KCNB2: variants seen among roughly 807,000 people sequenced by gnomAD.
KCNB2 encodes the protein potassium voltage-gated channel subfamily B member 2, also known as delayed rectifier potassium channel protein.
KCNB2 carries 15 observed loss-of-function variants against 61.5 expected under a neutral mutation model. That is an observed-to-expected ratio of 0.24 (90% CI 0.16 to 0.38). The LOEUF (loss-of-function observed/expected upper bound fraction) is 0.38, where lower values mean the gene tolerates loss of function less well. Among genes scored for constraint, KCNB2 ranks in the 10% least tolerant of loss-of-function variants. The pLI, the probability that KCNB2 is intolerant of heterozygous loss-of-function variation, is 1.00. For synonymous variants in KCNB2, 457 were observed against 446.0 expected (o/e 1.02, Z -0.31); for missense variants, 828 against 1,125.2 (o/e 0.74, Z 3.78).
chr8:72,647,460 A>G (rs957030127), intron 2 of KCNB2, among the ~76,000 whole-genome samples: 3 of 152,184 alleles, frequency 2.0e-5, no homozygotes, highest in African/African-American at 7.2e-5. Context: ...TTGCACATAC[A>G]TTAATTGAAA....
At position 72,627,638 on chromosome 8, in the gene KCNB2, C is replaced by T. The variant is rs143660353; in HGVS notation, c.579+59325C>T. Among the ~76,000 whole-genome samples the T allele has an allele frequency of 3.2e-4, 49 of 152,270 alleles. 1 individual carries two copies. The East Asian group carries it at 9.5e-3, about 30-fold the overall frequency. ...ATGAACAGAGCTGTGTAGGAATGTG[C>T]AAATTGCACACAGGCTCACACCTCA... On this transcript the variant is annotated intron_variant, in intron 2 of 2. Coordinates refer to ENST00000523207, the MANE Select transcript of KCNB2 (RefSeq NM_004770.3).
At chr8:72,782,188 G>T (rs1247587310) in intron 2 of KCNB2, among the ~76,000 whole-genome samples, 1 of 152,134 alleles carries the variant, frequency 6.6e-6, no homozygotes, top group Non-Finnish European at 1.5e-5. Flanking sequence ...GAGATGTCAT[G>T]AAGTTTTTAT....
chr8:72,839,924 T>TA (rs200350659), intron 2 of KCNB2, among the ~76,000 whole-genome samples: 362 of 151,842 alleles, frequency 2.4e-3, no homozygotes, highest in Middle Eastern at 0.017. Context: ...TTTTTTTTTT[T>TA]TAATACTTTA....
At chr8:72,664,642 C>A (rs138125217) in intron 2 of KCNB2, among the ~76,000 whole-genome samples, 16 of 152,246 alleles carry the variant, frequency 1.1e-4, no homozygotes, top group African/African-American at 3.9e-4. Flanking sequence ...ACACACATAA[C>A]AAATCTTTAT....
At chr8:72,619,319 A>G (rs754665438) in intron 2 of KCNB2, 7 of 612,388 alleles carry the variant, frequency 1.1e-5, no homozygotes, top group Admixed American at 5.6e-5. Context: ...AAAAGTTCAC[A>G]CTCTCCATGA....
At chr8:72,593,327 G>A (rs540464702) in intron 2 of KCNB2, among the ~76,000 whole-genome samples, 7 of 152,214 alleles carry the variant, frequency 4.6e-5, no homozygotes, top group African/African-American at 1.7e-4. Context: ...AGTCCTTAAG[G>A]TACACTGAAT....
intron 2 of KCNB2, among the ~76,000 whole-genome samples, chr8:72,778,783 A>G (rs935485909): frequency 5.0e-5 from 7 of 140,766 alleles, no homozygotes; most frequent in African/African-American, 1.7e-4. Flanking sequence ...AAAGAAAAAG[A>G]AAAGAAAAGA....
chr8:72,914,009 C>T (rs761677276), intron 2 of KCNB2, among the ~76,000 whole-genome samples: 5 of 152,184 alleles, frequency 3.3e-5, no homozygotes, highest in Non-Finnish European at 7.3e-5. Context: ...ATACCATATA[C>T]TGAGTAACTT....
rs1309489932 is a variant in KCNB2 at position 72,567,817 on chromosome 8, T to C, written c.83T>C (p.Ile28Thr). The C allele has an allele frequency of 1.2e-6, 2 of 1,613,710 alleles. No homozygotes were observed. Among genetic ancestry groups the C allele is most frequent in the Admixed American group, 3.3e-5 (2 of 59,942 alleles). ...CTTCCTCCAGAGCCTGTGGACATTA[T>C]CCGGAGCAAAACATGCTCCAGGAGA... ...LSLPPEPVDI[I>T]RSKTCSRRVK... The change falls in exon 2 of 3, where the codon ATC becomes ACC. Residue 28 changes from isoleucine to threonine, a missense_variant. Around this residue, in one of 4 missense-constraint regions of KCNB2, gnomAD observed 62 missense variants for 54.8 expected, o/e 1.13. Coordinates refer to ENST00000523207, the MANE Select transcript of KCNB2 (RefSeq NM_004770.3).
intron 2 of KCNB2, among the ~76,000 whole-genome samples, chr8:72,834,416 C>G (rs1160883973): frequency 2.0e-5 from 3 of 152,190 alleles, no homozygotes; most frequent in Non-Finnish European, 4.4e-5. Flanking sequence ...GAACTTGGGT[C>G]AGTTCTGGAG....
At chr8:72,574,885 G>T (rs961451486) in intron 2 of KCNB2, among the ~76,000 whole-genome samples, 2 of 119,518 alleles carry the variant, frequency 1.7e-5, no homozygotes, top group African/African-American at 5.8e-5. Flanking sequence ...TTAGGTAAGC[G>T]TAAGTGTTAT....
At chr8:72,901,369 G>A (rs1253062137) in intron 2 of KCNB2, among the ~76,000 whole-genome samples, 2 of 152,122 alleles carry the variant, frequency 1.3e-5, no homozygotes, top group Non-Finnish European at 2.9e-5. Flanking sequence ...GGATATCCAG[G>A]CAGTAGTCAA....
chr8:72,903,456 C>T (rs150915306), intron 2 of KCNB2, among the ~76,000 whole-genome samples: 6 of 152,178 alleles, frequency 3.9e-5, no homozygotes, highest in Non-Finnish European at 8.8e-5. Context: ...TGGTGCATGC[C>T]TGTAGTTCTA....
intron 2 of KCNB2, among the ~76,000 whole-genome samples, chr8:72,580,842 C>T (rs1451440691): frequency 6.6e-6 from 1 of 152,078 alleles, no homozygotes; most frequent in African/African-American, 2.4e-5. Flanking sequence ...TCCTGGCCTC[C>T]CCCCTCAATT....
In KCNB2 at chr8:72,698,234, A is replaced by G. The variant is rs143780135; in HGVS notation, c.579+129921A>G. On this transcript the variant is annotated intron_variant, in intron 2 of 2. Transcript: ENST00000523207. ...TAATGTTCAAAATCAAGCAAACTCA[A>G]GCAAAATCAAGAATCCAATCCCATT... is the stretch of plus-strand genomic sequence containing the variant. Among the ~76,000 whole-genome samples, 1,311 of 150,784 alleles carry G rather than the reference A, an allele frequency of 8.7e-3. 6 individuals are homozygous for G. Among genetic ancestry groups the G allele is most frequent in the Middle Eastern group, 0.078 (23 of 294 alleles).
intron 2 of KCNB2, among the ~76,000 whole-genome samples, chr8:72,691,602 G>T (rs1563560952): frequency 6.6e-6 from 1 of 152,244 alleles, no homozygotes; most frequent in Middle Eastern, 3.4e-3. Context: ...CTAAAAATTT[G>T]ATATCCTCAA....
chr8:72,648,297 G>A (rs911511169), intron 2 of KCNB2, among the ~76,000 whole-genome samples: 1 of 152,166 alleles, frequency 6.6e-6, no homozygotes, highest in African/African-American at 2.4e-5. Flanking sequence ...TCATGAGTGA[G>A]TTTTGACTTT....
chr8:72,587,672 T>C lies in KCNB2; in HGVS notation c.579+19359T>C, dbSNP rs991505603. ...TAAGCTGGGGAGGTTGAGGCTATAC[T>C]GAGAGTCATCATGATCACACCACTG... is the stretch of plus-strand genomic sequence containing the variant. On this transcript the variant is annotated intron_variant, in intron 2 of 2. Coordinates refer to ENST00000523207, the MANE Select transcript of KCNB2 (RefSeq NM_004770.3). 2.0e-5 allele frequency among the ~76,000 whole-genome samples: 3 copies of C among 152,006 alleles called. 1 individual carries two copies. The highest frequency in any genetic ancestry group is 2.0e-4 in the Admixed American group (3 of 15,244).
At chr8:72,740,041 C>T (rs765392091) in intron 2 of KCNB2, among the ~76,000 whole-genome samples, 5 of 152,102 alleles carry the variant, frequency 3.3e-5, no homozygotes, top group Non-Finnish European at 7.4e-5. Context: ...TGTAAATACT[C>T]TTCTGAGAGT....
Sources: allele counts gnomAD v4.1 joint callset (sites outside exome capture counted in the v4.1 genomes callset), GRCh38; gene constraint gnomAD v4.1.1; regional missense constraint gnomAD v4.1.1; transcripts MANE v1.5; gene names NCBI Gene and HGNC (gene_info 2026-07-23, HGNC 2026-07-21).